The following QTMAN variants were observed in gnomAD, a reference collection of about 807,000 sequenced individuals.
QTMAN encodes tRNA-queuosine alpha-mannosyltransferase.
At chr2:143,966,483 G>C in the QTMAN span, among the ~76,000 whole-genome samples, 1 of 152,104 alleles carries the variant, frequency 6.6e-6, no homozygotes, top group Admixed American at 6.5e-5. Context: ...ACAGTGCCTG[G>C]AACAAAGAAC....
chr2:144,093,887 A>G, the QTMAN span, among the ~76,000 whole-genome samples: 1 of 152,202 alleles, frequency 6.6e-6, no homozygotes, highest in Non-Finnish European at 1.5e-5. Context: ...GTGAATATAT[A>G]TACACATTTA....
chr2:144,070,878 T>A, the QTMAN span, among the ~76,000 whole-genome samples: 4 of 152,166 alleles, frequency 2.6e-5, no homozygotes, highest in African/African-American at 7.2e-5. Context: ...TGTAGGAATA[T>A]GTCACAAAAC....
chr2:143,952,201 G>A, the QTMAN span: 1 of 630,792 alleles, frequency 1.6e-6, no homozygotes, highest in Non-Finnish European at 2.9e-6. Context: ...ATTTAAGCAT[G>A]ATTTTATAAG....
At chr2:144,313,513 A>G in the QTMAN span, among the ~76,000 whole-genome samples, 1 of 152,210 alleles carries the variant, frequency 6.6e-6, no homozygotes, top group Non-Finnish European at 1.5e-5. Flanking sequence ...CTGACTAAAC[A>G]TATCAAGGAA....
chr2:144,308,694 G>A, the QTMAN span, among the ~76,000 whole-genome samples: 38 of 152,080 alleles, frequency 2.5e-4, no homozygotes, highest in Middle Eastern at 3.4e-3. Context: ...TGCCGGACGC[G>A]GTGGCTCACG....
At chr2:144,252,752 T>A in the QTMAN span, among the ~76,000 whole-genome samples, 1 of 152,158 alleles carries the variant, frequency 6.6e-6, no homozygotes, top group Admixed American at 6.5e-5. Context: ...TTGATATTTA[T>A]CCAAATGAGT....
At chr2:144,239,503 G>C in the QTMAN span, among the ~76,000 whole-genome samples, 1 of 152,060 alleles carries the variant, frequency 6.6e-6, no homozygotes, top group South Asian at 2.1e-4. Flanking sequence ...CTGGTGGGGG[G>C]TGGGAGGGGA....
the QTMAN span, among the ~76,000 whole-genome samples, chr2:144,055,889 A>G: frequency 6.6e-6 from 1 of 152,226 alleles, no homozygotes. Context: ...AAGAAGGTAT[A>G]TATACAATGG....
chr2:144,023,121 A>G, the QTMAN span, among the ~76,000 whole-genome samples: 4 of 152,242 alleles, frequency 2.6e-5, no homozygotes, highest in East Asian at 3.9e-4. Flanking sequence ...CTGACCTGCT[A>G]AAAGTCAGAA....
At chr2:143,954,109 G>T in the QTMAN span, among the ~76,000 whole-genome samples, 8,298 of 151,754 alleles carry the variant, frequency 0.055, 307 homozygotes, top group East Asian at 0.16. Context: ...CATATTTTTT[G>T]ATACATAGGG....
chr2:144,216,386 GCAGA>G, the QTMAN span, among the ~76,000 whole-genome samples: 1 of 152,152 alleles, frequency 6.6e-6, no homozygotes, highest in Non-Finnish European at 1.5e-5. Flanking sequence ...CTGACACACA[GCAGA>G]CAAACTAGGT....
chr2:144,107,147 G>A, the QTMAN span, among the ~76,000 whole-genome samples: 1 of 152,174 alleles, frequency 6.6e-6, no homozygotes, highest in Non-Finnish European at 1.5e-5. Flanking sequence ...GCCCACAAGA[G>A]AAAGCAGGAA....
At chr2:144,287,056 C>G in the QTMAN span, among the ~76,000 whole-genome samples, 2 of 152,176 alleles carry the variant, frequency 1.3e-5, no homozygotes, top group African/African-American at 2.4e-5. Flanking sequence ...AAATAGTTCA[C>G]TTTATAGCTT....
At chr2:144,009,113 T>C in the QTMAN span, among the ~76,000 whole-genome samples, 1 of 151,966 alleles carries the variant, frequency 6.6e-6, no homozygotes, top group Non-Finnish European at 1.5e-5. Flanking sequence ...CATTATAACA[T>C]GGTGATCATA....
the QTMAN span, among the ~76,000 whole-genome samples, chr2:144,246,750 C>T: frequency 2.0e-5 from 3 of 152,148 alleles, no homozygotes; most frequent in African/African-American, 7.2e-5. Context: ...CTGCTGTCAC[C>T]TGGCTTTTCG....
At chr2:144,008,588 G>A in the QTMAN span, among the ~76,000 whole-genome samples, 190 of 152,126 alleles carry the variant, frequency 1.2e-3, 1 homozygote, top group African/African-American at 4.4e-3. Flanking sequence ...GAGTTCCTGA[G>A]CCCCATCCAG....
chr2:144,268,721 T>C, the QTMAN span, among the ~76,000 whole-genome samples: 2 of 152,326 alleles, frequency 1.3e-5, 1 homozygote, highest in South Asian at 4.1e-4. Flanking sequence ...TACATATTAC[T>C]AAAAAGAGCA....
At chr2:144,145,221 C>T in the QTMAN span, among the ~76,000 whole-genome samples, 1 of 151,250 alleles carries the variant, frequency 6.6e-6, no homozygotes, top group African/African-American at 2.4e-5. Context: ...ATACAGTGAT[C>T]GTGATTAATA....
chr2:144,007,342 A>G, the QTMAN span: 1 of 1,613,362 alleles, frequency 6.2e-7, no homozygotes. Context: ...TGTCTTAATG[A>G]GTTACCCAAA....
Sources: allele counts gnomAD v4.1 joint callset (sites outside exome capture counted in the v4.1 genomes callset), GRCh38; gene constraint gnomAD v4.1.1; transcripts MANE v1.5; gene names NCBI Gene and HGNC (gene_info 2026-07-23, HGNC 2026-07-21).